CSPP1: variants seen among roughly 807,000 people sequenced by gnomAD.
CSPP1 encodes the protein centrosome and spindle pole associated protein 1, also known as centrosome and spindle pole-associated protein 1.
A neutral mutation model predicts 164.4 loss-of-function variants in CSPP1; 126 were observed. The observed-to-expected ratio is 0.77, with a 90% CI of 0.66 to 0.89. CSPP1 has a LOEUF of 0.89. Among genes scored for constraint, CSPP1 ranks in the 40% least tolerant of loss-of-function variants. The pLI, the probability that CSPP1 is intolerant of heterozygous loss-of-function variation, is 0.00. For synonymous variants in CSPP1, 472 were observed against 476.7 expected, an observed-to-expected ratio of 0.99 and a Z score of 0.13; for missense variants, 1,395 against 1,449.8, an observed-to-expected ratio of 0.96 and a Z score of 0.61.
chr8:67,159,828 C>CTCTT (rs1268807930), intron 21 of CSPP1, among the ~76,000 whole-genome samples: 27 of 134,162 alleles, frequency 2.0e-4, no homozygotes, highest in East Asian at 2.1e-4. Flanking sequence ...GGCCTTCTCT[C>CTCTT]TCTTTCTTTC....
At chr8:67,129,430 C>T (rs11997189) in intron 15 of CSPP1, among the ~76,000 whole-genome samples, 12,595 of 152,100 alleles carry the variant, frequency 0.083, 1,065 homozygotes, top group African/African-American at 0.22. Context: ...TTACTGATTA[C>T]AAAATCAATA....
intron 19 of CSPP1, among the ~76,000 whole-genome samples, chr8:67,157,105 T>C (rs561748208): frequency 6.7e-4 from 102 of 152,270 alleles, no homozygotes; most frequent in Non-Finnish European, 1.0e-3. Flanking sequence ...GAATTGAGTA[T>C]TGAATATGAA....
chr8:67,099,256 G>C (rs1813522309), intron 7 of CSPP1: 1 of 151,978 alleles, frequency 6.6e-6, no homozygotes, highest in Non-Finnish European at 1.5e-5. Context: ...TTAAGGTGTG[G>C]TAAGTGAACT....
intron 22 of CSPP1, 50 bp downstream of exon 22, chr8:67,161,965 T>C: frequency 8.3e-7 from 1 of 1,208,724 alleles, no homozygotes; most frequent in Non-Finnish European, 1.2e-6. Context: ...TATTTTGGAT[T>C]GGGGGATCGA....
At chr8:67,086,195 T>C in intron 4 of CSPP1, 85 bp downstream of exon 4, 1 of 788,284 alleles carries the variant, frequency 1.3e-6, no homozygotes, top group Non-Finnish European at 2.3e-6. Flanking sequence ...GTCATATGTG[T>C]TAATTTTTAG....
chr8:67,077,120 AAG>A, intron 3 of CSPP1, among the ~76,000 whole-genome samples: 1 of 152,272 alleles, frequency 6.6e-6, no homozygotes, highest in East Asian at 1.9e-4. Flanking sequence ...ATTTTAAAAA[AAG>A]AAAATGTATG....
At chr8:67,161,977 T>C (rs1272354565) in intron 22 of CSPP1, 62 bp downstream of exon 22, 1 of 1,102,532 alleles carries the variant, frequency 9.1e-7, no homozygotes, top group Non-Finnish European at 1.4e-6. Context: ...GGGGATCGAA[T>C]GAAATTTTCT....
chr8:67,075,001 G>C (rs1807609201), intron 2 of CSPP1: 1 of 154,252 alleles, frequency 6.5e-6, no homozygotes, highest in African/African-American at 2.4e-5. Context: ...GGCTGGTCTT[G>C]AACTCCTGAC....
Position 67,164,744 on chromosome 8 carries a change from G to GT in CSPP1, c.2828+242dup, listed in dbSNP as rs554124866. ...CAGACAGTAGTTGCATTTTAGAACT[G>GT]TTTTTTATATTTTCCATTAATAACG... is the stretch of plus-strand genomic sequence containing the variant. On this transcript the variant is annotated intron_variant, in intron 24 of 30. Transcript: ENST00000678616. Among the ~76,000 whole-genome samples, 16 of 152,262 alleles carry GT rather than the reference G, an allele frequency of 1.1e-4. No individual in the cohort carries two copies. The South Asian group carries it at 3.3e-3, about 32-fold the overall frequency.
intron 1 of CSPP1, among the ~76,000 whole-genome samples, chr8:67,069,394 ATTTGTACTT>A (rs1243081477): frequency 6.6e-6 from 1 of 152,150 alleles, no homozygotes; most frequent in African/African-American, 2.4e-5. Flanking sequence ...AGTATGTTTT[ATTTGTACTT>A]TTTGTACTTT....
At chr8:67,152,086 CAAAAA>C (rs1185447488) in intron 18 of CSPP1, among the ~76,000 whole-genome samples, 1 of 58,138 alleles carries the variant, frequency 1.7e-5, no homozygotes. Context: ...GACTCCATCT[CAAAAA>C]AAAAAAAAAA....
At chr8:67,132,194 A>C (rs1323545221) in intron 16 of CSPP1, 114 bp downstream of exon 16, 4 of 1,102,744 alleles carry the variant, frequency 3.6e-6, no homozygotes, top group South Asian at 1.8e-5. Context: ...TATAATTCAA[A>C]ATGCTGAGTT....
At chr8:67,159,930 C>T (rs866770417) in intron 21 of CSPP1, among the ~76,000 whole-genome samples, 46 of 41,756 alleles carry the variant, frequency 1.1e-3, no homozygotes, top group African/African-American at 2.0e-3. Context: ...CTTTCCTTTC[C>T]TTCCTTCCTT....
chr8:67,108,626 TCTCC>T (rs1816152501), intron 9 of CSPP1, among the ~76,000 whole-genome samples: 1 of 152,162 alleles, frequency 6.6e-6, no homozygotes, highest in South Asian at 2.1e-4. Context: ...TGAGGGCATC[TCTCC>T]CTCCACACTT....
chr8:67,145,151 A>G (rs972924603), intron 17 of CSPP1, among the ~76,000 whole-genome samples: 8 of 151,910 alleles, frequency 5.3e-5, no homozygotes, highest in Admixed American at 4.6e-4. Flanking sequence ...TTTATTTAAT[A>G]GATAAAGAGA....
At chr8:67,148,843 C>A (rs1010118222) in intron 17 of CSPP1, among the ~76,000 whole-genome samples, 5 of 152,120 alleles carry the variant, frequency 3.3e-5, no homozygotes, top group African/African-American at 1.2e-4. Context: ...GGTTGTTTGA[C>A]CCAATTCTAG....
At chr8:67,071,865 C>A (rs557137374) in intron 1 of CSPP1, among the ~76,000 whole-genome samples, 1 of 152,118 alleles carries the variant, frequency 6.6e-6, no homozygotes, top group Admixed American at 6.5e-5. Flanking sequence ...AAAAGTTGAG[C>A]CTTGACACTT....
intron 19 of CSPP1, among the ~76,000 whole-genome samples, 158 bp from the exon 20 acceptor site, chr8:67,158,289 A>T (rs1398643205): frequency 6.6e-6 from 1 of 152,240 alleles, no homozygotes; most frequent in Non-Finnish European, 1.5e-5. Context: ...AGTACAGTAA[A>T]TCATGTAGCC....
intron 3 of CSPP1, among the ~76,000 whole-genome samples, chr8:67,078,026 A>C (rs1300442751): frequency 6.6e-6 from 1 of 152,200 alleles, no homozygotes; most frequent in Non-Finnish European, 1.5e-5. Flanking sequence ...TCTGTGAAAT[A>C]AGTTTGATTA....
Sources: gnomAD v4.1 joint callset for allele counts (sites outside exome capture counted in the v4.1 genomes callset) on GRCh38, gnomAD v4.1.1 for gene constraint, MANE v1.5 for transcripts, NCBI Gene and HGNC (gene_info 2026-07-23, HGNC 2026-07-21) for gene names.